PCCA: variants seen among roughly 807,000 people sequenced by gnomAD.
PCCA encodes the protein propionyl-CoA carboxylase subunit alpha, also known as propionyl-CoA carboxylase alpha chain, mitochondrial.
In PCCA, 74 loss-of-function variants were observed where a neutral mutation model predicts 101.3. The observed-to-expected ratio is 0.73, with a 90% CI of 0.61 to 0.89. The LOEUF (loss-of-function observed/expected upper bound fraction) is 0.89, where lower values mean the gene tolerates loss of function less well. Ranked by LOEUF, PCCA falls within the 40% of genes least tolerant of loss-of-function variation. The pLI, the probability that PCCA is intolerant of heterozygous loss-of-function variation, is 0.00. For synonymous variants in PCCA, 294 were observed against 313.6 expected (o/e 0.94, Z 0.66); for missense variants, 891 against 907.0 (o/e 0.98, Z 0.23).
intron 8 of PCCA, among the ~76,000 whole-genome samples, chr13:100,243,123 T>C (rs1185522842): frequency 6.6e-6 from 1 of 152,232 alleles, no homozygotes; most frequent in Admixed American, 6.5e-5. Flanking sequence ...CTGAAACTCC[T>C]GACCTCAAGT....
chr13:100,450,994 A>T (rs530014636), intron 21 of PCCA, among the ~76,000 whole-genome samples: 1 of 152,326 alleles, frequency 6.6e-6, no homozygotes, highest in Admixed American at 6.5e-5. Flanking sequence ...TGGCTCAAGC[A>T]ATTGTGGAGG....
chr13:100,418,761 G>T (rs2078546867), intron 19 of PCCA, among the ~76,000 whole-genome samples: 1 of 151,776 alleles, frequency 6.6e-6, no homozygotes, highest in Admixed American at 6.6e-5. Flanking sequence ...TGGAACCCAG[G>T]CAGTGGAGGT....
intron 19 of PCCA, among the ~76,000 whole-genome samples, chr13:100,390,366 G>A (rs1008471318): frequency 1.3e-5 from 2 of 152,202 alleles, no homozygotes; most frequent in Non-Finnish European, 2.9e-5. Flanking sequence ...AGGGATCTGT[G>A]AGATACACAA....
At chr13:100,101,363 T>G (rs1055631501) in intron 1 of PCCA, among the ~76,000 whole-genome samples, 3 of 152,200 alleles carry the variant, frequency 2.0e-5, no homozygotes, top group Non-Finnish European at 4.4e-5. Flanking sequence ...TTAAAGTCCT[T>G]GGGACTCAAC....
At position 100,444,008 on chromosome 13, in the gene PCCA, T is replaced by G. The variant is rs1372154113; in HGVS notation, c.1846-5244T>G. ...CTCCAGTTCTTAACTGTAAGAACTT[T>G]GTCAGGTATGAGCTCTCTTTGTACA... On this transcript the variant is annotated intron_variant, in intron 20 of 23. Coordinates refer to ENST00000376285, the MANE Select transcript of PCCA (RefSeq NM_000282.4). Among the ~76,000 whole-genome samples, 4 of 152,128 alleles carry G rather than the reference T, an allele frequency of 2.6e-5. No homozygotes were observed. In the East Asian group the frequency reaches 7.7e-4, roughly 29 times the overall value.
At chr13:100,522,370 C>T (rs2087370752) in intron 22 of PCCA, among the ~76,000 whole-genome samples, 1 of 152,142 alleles carries the variant, frequency 6.6e-6, no homozygotes, top group Non-Finnish European at 1.5e-5. Flanking sequence ...CTCAAAATAC[C>T]ATCCATCAGG....
At chr13:100,416,877 CTTG>C (rs1448583204) in intron 19 of PCCA, among the ~76,000 whole-genome samples, 1 of 151,294 alleles carries the variant, frequency 6.6e-6, no homozygotes, top group Non-Finnish European at 1.5e-5. Context: ...GAGTTTTGCT[CTTG>C]TTGTCCAGGC....
At chr13:100,434,349 TG>T (rs2079775608) in intron 20 of PCCA, among the ~76,000 whole-genome samples, 1 of 152,198 alleles carries the variant, frequency 6.6e-6, no homozygotes, top group South Asian at 2.1e-4. Context: ...GCCTTCTCTT[TG>T]GGGTATCATT....
chr13:100,339,553 C>G (rs1255405054), intron 17 of PCCA, among the ~76,000 whole-genome samples: 1 of 152,176 alleles, frequency 6.6e-6, no homozygotes, highest in Non-Finnish European at 1.5e-5. Context: ...TCACCCCAGG[C>G]CTTTGCGGCC....
At chr13:100,291,278 T>TA (rs1310403872) in intron 12 of PCCA, among the ~76,000 whole-genome samples, 2 of 151,808 alleles carry the variant, frequency 1.3e-5, no homozygotes, top group South Asian at 2.1e-4. Flanking sequence ...ACCCATTTCT[T>TA]AAAAAAAAGA....
intron 1 of PCCA, among the ~76,000 whole-genome samples, chr13:100,091,261 G>A (rs1210602389): frequency 1.3e-5 from 2 of 152,196 alleles, no homozygotes; most frequent in Admixed American, 1.3e-4. Context: ...GAGGAAGGCT[G>A]TTACTGTACT....
chr13:100,520,315 T>C (rs2087136126), intron 22 of PCCA, among the ~76,000 whole-genome samples: 1 of 152,254 alleles, frequency 6.6e-6, no homozygotes, highest in Non-Finnish European at 1.5e-5. Flanking sequence ...GATTTGGCCT[T>C]TTAATCTTTT....
chr13:100,330,922 C>T (rs1018023479), intron 17 of PCCA, among the ~76,000 whole-genome samples: 5 of 152,000 alleles, frequency 3.3e-5, no homozygotes, highest in Non-Finnish European at 5.9e-5. Context: ...TGTTTTGGAG[C>T]AAAACATGTA....
At chr13:100,371,206 G>T (rs1329732176) in intron 19 of PCCA, among the ~76,000 whole-genome samples, 1 of 151,984 alleles carries the variant, frequency 6.6e-6, no homozygotes, top group African/African-American at 2.4e-5. Flanking sequence ...AAGACTTTTG[G>T]TACAGATGTA....
At chr13:100,469,523 A>G (rs529377154) in intron 21 of PCCA, among the ~76,000 whole-genome samples, 1 of 152,180 alleles carries the variant, frequency 6.6e-6, no homozygotes, top group East Asian at 1.9e-4. Flanking sequence ...TCATGCTTCT[A>G]ATATCAGCAC....
At chr13:100,457,759 G>A (rs754612272) in intron 21 of PCCA, among the ~76,000 whole-genome samples, 18 of 152,182 alleles carry the variant, frequency 1.2e-4, no homozygotes, top group Non-Finnish European at 1.9e-4. Context: ...GTGGAAAAAT[G>A]CAAGAGACCT....
At chr13:100,337,870 TA>T (rs879769128) in intron 17 of PCCA, among the ~76,000 whole-genome samples, 7 of 152,246 alleles carry the variant, frequency 4.6e-5, no homozygotes, top group Non-Finnish European at 8.8e-5. Flanking sequence ...AAATACATTT[TA>T]CATCCTGACA....
chr13:100,405,108 T>G (rs756507282), intron 19 of PCCA, among the ~76,000 whole-genome samples: 15 of 152,212 alleles, frequency 9.9e-5, no homozygotes, highest in Non-Finnish European at 1.9e-4. Flanking sequence ...GCATGTCTTG[T>G]GACACACCCA....
intron 4 of PCCA, among the ~76,000 whole-genome samples, chr13:100,114,964 A>C (rs1454727983): frequency 6.6e-6 from 1 of 152,212 alleles, no homozygotes; most frequent in Non-Finnish European, 1.5e-5. Flanking sequence ...TATATGGAGG[A>C]GATATCTGCA....
Sources: gnomAD v4.1 joint callset for allele counts (sites outside exome capture counted in the v4.1 genomes callset) on GRCh38, gnomAD v4.1.1 for gene constraint, MANE v1.5 for transcripts, NCBI Gene and HGNC (gene_info 2026-07-23, HGNC 2026-07-21) for gene names.